Variants in ASAP1 observed in about 807,000 individuals in gnomAD.
ASAP1 encodes the protein arf-GAP with SH3 domain, ANK repeat and PH domain-containing protein 1.
Under a neutral mutation model 145.2 loss-of-function variants are expected in ASAP1, and 43 were observed. The observed-to-expected ratio is 0.30, with a 90% CI of 0.23 to 0.38. The LOEUF is 0.38. Among genes scored for constraint, ASAP1 ranks in the 10% least tolerant of loss-of-function variants. The pLI, the probability that ASAP1 is intolerant of heterozygous loss-of-function variation, is 1.00. For synonymous variants in ASAP1, 546 were observed against 515.5 expected (o/e 1.06, Z -0.80); for missense variants, 1,018 against 1,355.3 (o/e 0.75, Z 3.91).
intron 24 of ASAP1, among the ~76,000 whole-genome samples, chr8:130,106,123 C>A (rs535154572): frequency 3.3e-5 from 5 of 152,206 alleles, no homozygotes; most frequent in East Asian, 1.9e-4. Flanking sequence ...AGGTGATTCA[C>A]GTGCAATGCC....
chr8:130,148,498 G>A (rs572829449), intron 13 of ASAP1, among the ~76,000 whole-genome samples: 3 of 152,320 alleles, frequency 2.0e-5, no homozygotes, highest in African/African-American at 7.2e-5. Context: ...CTATCCTGTA[G>A]GGCCATCTTG....
At position 130,071,011 on chromosome 8, in the gene ASAP1, G is replaced by GGGA. The variant is rs2097444917; in HGVS notation, c.2701+5336_2701+5337insTCC. Among the ~76,000 whole-genome samples the GGGA allele has an allele frequency of 9.6e-4, 11 of 11,438 alleles. 1 individual carries two copies. Among genetic ancestry groups the GGGA allele is most frequent in the African/African-American group, 1.8e-3 (4 of 2,234 alleles). 7.5% of individuals were successfully genotyped at this position (11,438 alleles called of 152,430 possible). ...AGAGAGAGAGAGAGAGGGGAGGGGGGGAGAGAGAGAGAGAGAGAGAGAGAG... is the reference window on the plus strand; with the variant it reads ...AGAGAGAGAGAGAGAGGGGAGGGGGGGGAGAGAGAGAGAGAGAGAGAGAGAGAG... On this transcript the variant is annotated intron_variant, in intron 27 of 29. Coordinates refer to ENST00000518721, the MANE Select transcript of ASAP1 (RefSeq NM_018482.4).
chr8:130,416,887 C>T (rs1829497899), intron 1 of ASAP1, among the ~76,000 whole-genome samples: 1 of 152,256 alleles, frequency 6.6e-6, no homozygotes, highest in Admixed American at 6.5e-5. Flanking sequence ...ATGGGGCAAC[C>T]TTCTCTCTTC....
At chr8:130,302,368 G>A (rs1822729584) in intron 3 of ASAP1, among the ~76,000 whole-genome samples, 1 of 152,212 alleles carries the variant, frequency 6.6e-6, no homozygotes. Context: ...CACAGACACA[G>A]AAAATGTGGC....
chr8:130,354,037 G>A (rs1826158218), intron 3 of ASAP1, among the ~76,000 whole-genome samples: 1 of 151,966 alleles, frequency 6.6e-6, no homozygotes. Context: ...CAAGGCGCCT[G>A]ACAACACGCC....
intron 13 of ASAP1, among the ~76,000 whole-genome samples, chr8:130,137,820 C>T (rs2097598772): frequency 6.6e-6 from 1 of 152,264 alleles, no homozygotes; most frequent in South Asian, 2.1e-4. Context: ...CACGTATTCA[C>T]ACTGGTCAAA....
intron 11 of ASAP1, chr8:130,160,861 T>A: frequency 8.7e-7 from 1 of 1,149,426 alleles, no homozygotes; most frequent in Non-Finnish European, 1.1e-6. Context: ...GTTAATTTCA[T>A]TGAAAATGTT....
chr8:130,283,587 GAAA>G (rs71304303), intron 3 of ASAP1, among the ~76,000 whole-genome samples: 1,689 of 20,828 alleles, frequency 0.081, 12 homozygotes, highest in East Asian at 0.32. Flanking sequence ...ATCACAGAAA[GAAA>G]AAAAAAAAAA....
At chr8:130,095,699 A>T (rs1331564513) in intron 24 of ASAP1, among the ~76,000 whole-genome samples, 1 of 151,052 alleles carries the variant, frequency 6.6e-6, no homozygotes, top group Non-Finnish European at 1.5e-5. Context: ...GCTCACTGCA[A>T]CTTCTGCCTC....
At chr8:130,154,495 G>A (rs183967433) in intron 12 of ASAP1, among the ~76,000 whole-genome samples, 2 of 152,252 alleles carry the variant, frequency 1.3e-5, no homozygotes, top group Admixed American at 1.3e-4. Flanking sequence ...AAATGGGCAG[G>A]GAACAGTGAT....
At chr8:130,160,836 A>T (rs2136021858) in intron 11 of ASAP1, 1 of 1,265,248 alleles carries the variant, frequency 7.9e-7, no homozygotes, top group Middle Eastern at 2.2e-4. Context: ...AAAAGGCAGA[A>T]CATTTGAAAA....
At chr8:130,424,403 G>C (rs112765450) in intron 1 of ASAP1, among the ~76,000 whole-genome samples, 1 of 152,170 alleles carries the variant, frequency 6.6e-6, no homozygotes, top group Non-Finnish European at 1.5e-5. Flanking sequence ...GCCTCGGAGA[G>C]CACTCCACTT....
At chr8:130,328,372 T>C (rs1565212830) in intron 3 of ASAP1, among the ~76,000 whole-genome samples, 1 of 152,230 alleles carries the variant, frequency 6.6e-6, no homozygotes, top group Admixed American at 6.5e-5. Context: ...TGACAACCTT[T>C]ATACTACTTT....
intron 2 of ASAP1, among the ~76,000 whole-genome samples, chr8:130,394,137 T>C (rs1424869674): frequency 1.3e-5 from 2 of 152,222 alleles, no homozygotes; most frequent in Non-Finnish European, 2.9e-5. Flanking sequence ...ATAACAGCAA[T>C]GTTCAGGGAA....
At chr8:130,285,645 T>C (rs2137243435) in intron 3 of ASAP1, among the ~76,000 whole-genome samples, 1 of 152,338 alleles carries the variant, frequency 6.6e-6, no homozygotes, top group African/African-American at 2.4e-5. Context: ...TTTGTTTTTC[T>C]GAAAGCTCTG....
chr8:130,072,830 C>CGCGCGCGCCCGCGCG lies in ASAP1; in HGVS notation c.2701+3517_2701+3518insCGCGCGGGCGCGCGC. On this transcript the variant is annotated intron_variant, in intron 27 of 29. Coordinates refer to ENST00000518721, the MANE Select transcript of ASAP1 (RefSeq NM_018482.4). ...GTGTGTGTGTGTGTGTGTGTGCGCGCGGGGGGGGGCAGTTTTGGGGACTGA... is the reference window on the plus strand; with the variant it reads ...GTGTGTGTGTGTGTGTGTGTGCGCGCGCGCGCGCCCGCGCGGGGGGGGGGCAGTTTTGGGGACTGA... Among the ~76,000 whole-genome samples the CGCGCGCGCCCGCGCG allele has an allele frequency of 6.3e-5, 2 of 31,930 alleles. 1 individual carries two copies. The highest frequency in any genetic ancestry group is 2.2e-3 in the South Asian group (2 of 906). 20.9% of individuals were successfully genotyped at this position (31,930 alleles called of 152,430 possible).
Position 130,154,881 on chromosome 8 carries a change from C to T in ASAP1, c.1011-2076G>A, listed in dbSNP as rs145937832. Among the ~76,000 whole-genome samples, 1,037 of 152,310 alleles carry T rather than the reference C, an allele frequency of 6.8e-3. 12 individuals carry two copies. Among genetic ancestry groups the T allele is most frequent in the African/African-American group, 0.024 (998 of 41,578 alleles). ...AAATAAGAGCTAAATCACATACTTT[C>T]TTCTAGAAGTACTGGCCAGGGAAAT... On this transcript the variant is annotated intron_variant, in intron 12 of 29. Coordinates refer to ENST00000518721, the MANE Select transcript of ASAP1 (RefSeq NM_018482.4).
chr8:130,245,836 T>A (rs747905318), intron 3 of ASAP1, among the ~76,000 whole-genome samples: 7 of 152,192 alleles, frequency 4.6e-5, no homozygotes, highest in Non-Finnish European at 1.0e-4. Context: ...CCTTAGTGTT[T>A]ATTACAATCA....
intron 24 of ASAP1, among the ~76,000 whole-genome samples, chr8:130,107,700 AC>A (rs1361345043): frequency 6.6e-6 from 1 of 151,820 alleles, no homozygotes; most frequent in African/African-American, 2.4e-5. Flanking sequence ...GGCACGGGCC[AC>A]CAAGCCTGGT....
Sources: gnomAD v4.1 joint callset for allele counts (sites outside exome capture counted in the v4.1 genomes callset) on GRCh38, gnomAD v4.1.1 for gene constraint, MANE v1.5 for transcripts, NCBI Gene and HGNC (gene_info 2026-07-23, HGNC 2026-07-21) for gene names.